Variants in DOCK3 observed in about 807,000 individuals in gnomAD.
The protein encoded by DOCK3 is dedicator of cytokinesis protein 3.
A neutral mutation model predicts 265.6 loss-of-function variants in DOCK3; 60 were observed. The ratio of observed to expected loss-of-function variants is 0.23; its 90% CI spans 0.18 to 0.28. DOCK3 has a LOEUF of 0.28. DOCK3 is among the 10% of genes least tolerant of loss of function. The pLI, the probability that DOCK3 is intolerant of heterozygous loss-of-function variation, is 1.00. For synonymous variants in DOCK3, 881 were observed against 938.0 expected (o/e 0.94, Z 1.11); for missense variants, 1,981 against 2,594.3 (o/e 0.76, Z 5.14).
intron 1 of DOCK3, among the ~76,000 whole-genome samples, chr3:50,704,970 A>G (rs1043751017): frequency 6.6e-6 from 1 of 151,532 alleles, no homozygotes; most frequent in Admixed American, 6.6e-5. Context: ...TTTACATTCA[A>G]GGTTGTCACT....
chr3:51,299,264 G>T (rs532903493), intron 27 of DOCK3, among the ~76,000 whole-genome samples: 101 of 148,128 alleles, frequency 6.8e-4, no homozygotes, highest in African/African-American at 1.3e-3. Context: ...TTTTTAATGG[G>T]TTTTTTTTTT....
chr3:50,839,516 C>T (rs1036645865), intron 2 of DOCK3, among the ~76,000 whole-genome samples: 1 of 152,038 alleles, frequency 6.6e-6, no homozygotes, highest in Non-Finnish European at 1.5e-5. Flanking sequence ...GGACAGTGTT[C>T]TGGATTTTGG....
At chr3:51,156,765 T>TTCACTCAGCAGAG (rs1316483784) in intron 10 of DOCK3, among the ~76,000 whole-genome samples, 1 of 152,226 alleles carries the variant, frequency 6.6e-6, no homozygotes, top group Non-Finnish European at 1.5e-5. Flanking sequence ...GCTTCTTTTA[T>TTCACTCAGCAGAG]TCACTCAGCA....
chr3:51,330,127 C>T lies in DOCK3; in HGVS notation c.3403-11C>T, dbSNP rs1397753197. ...TCATCTCAGGTTTATGAAGTCTCTGCTTCCTTCTAGGTGGAGGCCGAGTTG... is the reference window on the plus strand; with the variant it reads ...TCATCTCAGGTTTATGAAGTCTCTGTTTCCTTCTAGGTGGAGGCCGAGTTG... On this transcript the variant is annotated splice_polypyrimidine_tract_variant and intron_variant, in intron 32 of 52. Transcript: ENST00000266037. 1.3e-6 allele frequency: 2 copies of T among 1,592,498 alleles called. No homozygotes were observed. The highest frequency in any genetic ancestry group is 1.8e-5 in the Admixed American group (1 of 56,464).
intron 22 of DOCK3, 116 bp from the exon 23 acceptor site, chr3:51,260,040 G>A: frequency 9.5e-7 from 1 of 1,051,500 alleles, no homozygotes; most frequent in Non-Finnish European, 1.3e-6. Flanking sequence ...AGTTAGAATT[G>A]CCCAACACCT....
chr3:51,203,797 G>A (rs565143594), intron 12 of DOCK3, among the ~76,000 whole-genome samples: 1 of 152,258 alleles, frequency 6.6e-6, no homozygotes, highest in South Asian at 2.1e-4. Flanking sequence ...AAACAGCATG[G>A]TACTGGTACC....
intron 43 of DOCK3, 93 bp downstream of exon 43, chr3:51,356,586 C>T (rs1185079965): frequency 2.1e-5 from 27 of 1,302,274 alleles, no homozygotes; most frequent in Admixed American, 1.1e-4. Context: ...AAAAAGAGAG[C>T]GTCGGCCACC....
At chr3:51,250,868 T>C (rs1309003958) in intron 22 of DOCK3, among the ~76,000 whole-genome samples, 1 of 152,204 alleles carries the variant, frequency 6.6e-6, no homozygotes, top group African/African-American at 2.4e-5. Flanking sequence ...TTGTTTTTGT[T>C]TTTTTATTAT....
At chr3:51,258,643 T>C (rs1057452759) in intron 22 of DOCK3, among the ~76,000 whole-genome samples, 6 of 152,020 alleles carry the variant, frequency 3.9e-5, no homozygotes, top group Non-Finnish European at 5.9e-5. Context: ...ACATCCTGGC[T>C]TTTTAGGCTG....
chr3:50,851,152 A>G (rs2046341306), intron 3 of DOCK3, among the ~76,000 whole-genome samples: 1 of 152,112 alleles, frequency 6.6e-6, no homozygotes, highest in Non-Finnish European at 1.5e-5. Flanking sequence ...TCTGCACATG[A>G]ATGGTGGGGT....
chr3:50,796,278 C>G (rs1022458168), intron 2 of DOCK3, among the ~76,000 whole-genome samples: 10 of 151,782 alleles, frequency 6.6e-5, no homozygotes, highest in African/African-American at 2.4e-4. Flanking sequence ...TGATCCGCCC[C>G]CCTCGGCCTC....
intron 5 of DOCK3, among the ~76,000 whole-genome samples, chr3:50,997,028 G>T (rs2078311200): frequency 6.6e-6 from 1 of 152,112 alleles, no homozygotes; most frequent in Non-Finnish European, 1.5e-5. Flanking sequence ...TAGGTCCCTG[G>T]TATTTGTTAT....
chr3:51,102,737 A>T (rs2083136340), intron 9 of DOCK3, among the ~76,000 whole-genome samples: 1 of 152,238 alleles, frequency 6.6e-6, no homozygotes, highest in African/African-American at 2.4e-5. Flanking sequence ...ACTCATTAGA[A>T]AAGGTTAAAT....
intron 3 of DOCK3, among the ~76,000 whole-genome samples, chr3:50,886,340 A>C (rs1029279343): frequency 4.8e-4 from 73 of 151,980 alleles, no homozygotes; most frequent in Non-Finnish European, 3.5e-4. Flanking sequence ...TTTTTTTAAA[A>C]ACAGATAAAC....
At chr3:50,764,248 A>G (rs755601426) in intron 1 of DOCK3, among the ~76,000 whole-genome samples, 2 of 152,178 alleles carry the variant, frequency 1.3e-5, no homozygotes, top group Non-Finnish European at 2.9e-5. Flanking sequence ...AACAGAAATA[A>G]ATACTACAGA....
At chr3:51,136,826 A>G (rs2084828888) in intron 9 of DOCK3, among the ~76,000 whole-genome samples, 1 of 152,118 alleles carries the variant, frequency 6.6e-6, no homozygotes, top group Non-Finnish European at 1.5e-5. Flanking sequence ...GTGGAGGCCT[A>G]ACTATGGAGG....
intron 2 of DOCK3, among the ~76,000 whole-genome samples, chr3:50,803,791 G>T (rs2108695587): frequency 6.6e-6 from 1 of 151,572 alleles, no homozygotes; most frequent in Admixed American, 6.6e-5. Flanking sequence ...CTGGGCGGGG[G>T]CTGCCCCCCA....
chr3:50,959,687 C>T (rs1361310340), intron 5 of DOCK3, among the ~76,000 whole-genome samples: 1 of 152,100 alleles, frequency 6.6e-6, no homozygotes, highest in Non-Finnish European at 1.5e-5. Flanking sequence ...TCACGCCATT[C>T]TCCTGCCTCA....
intron 4 of DOCK3, among the ~76,000 whole-genome samples, chr3:50,896,217 T>C (rs1392728556): frequency 6.6e-6 from 1 of 152,206 alleles, no homozygotes; most frequent in Admixed American, 6.6e-5. Flanking sequence ...TGGTATTTCA[T>C]TGTGGTTTTG....
Sources: gnomAD v4.1 joint callset for allele counts (sites outside exome capture counted in the v4.1 genomes callset) on GRCh38, gnomAD v4.1.1 for gene constraint, MANE v1.5 for transcripts, NCBI Gene and HGNC (gene_info 2026-07-23, HGNC 2026-07-21) for gene names.